The following RAD18 variants were observed in gnomAD, a reference collection of about 807,000 sequenced individuals.
RAD18 encodes RAD18 E3 ubiquitin protein ligase, also known as E3 ubiquitin-protein ligase RAD18.
A neutral mutation model predicts 60.4 loss-of-function variants in RAD18; 47 were observed. The observed-to-expected ratio is 0.78, with a 90% CI of 0.62 to 0.99. The LOEUF (loss-of-function observed/expected upper bound fraction) is 0.99. Ranked by LOEUF, RAD18 falls within the 50% of genes least tolerant of loss-of-function variation. The pLI is 0.00. For missense variants in RAD18, 640 were observed against 593.3 expected (o/e 1.08, Z -0.82); for synonymous variants, 225 against 195.5 (o/e 1.15, Z -1.26).
At chr3:8,902,739 A>C (rs1353209787) in intron 9 of RAD18, among the ~76,000 whole-genome samples, 1 of 152,144 alleles carries the variant, frequency 6.6e-6, no homozygotes, top group Non-Finnish European at 1.5e-5. Flanking sequence ...AAATACAAAA[A>C]AAATTAGCCA....
chr3:8,881,291 C>A lies in RAD18; in HGVS notation c.*66G>T, dbSNP rs1939457440. On this transcript the variant is annotated 3_prime_UTR_variant, in exon 13 of 13. Transcript: ENST00000264926. ...CCTTGGGCATTTATAAATAGAAAAT[C>A]TATCTGTGGCAACCAAAAGTACGGT... 7.9e-7 allele frequency: 1 copy of A among 1,266,216 alleles called. No homozygotes were observed. The allele number at this position is 1,266,216 out of a possible 1,614,324, so 78.4% of individuals were successfully genotyped here. A position where few individuals can be genotyped will look rare whatever the true frequency, so the allele number is the denominator to read the frequency against.
chr3:8,924,660 G>T (rs199969091), intron 7 of RAD18, among the ~76,000 whole-genome samples: 69,339 of 111,030 alleles, frequency 0.62, 22,261 homozygotes, highest in Middle Eastern at 0.74. Flanking sequence ...ATAGTTGGAA[G>T]TAAAGCACTC....
intron 2 of RAD18, among the ~76,000 whole-genome samples, chr3:8,956,546 T>C (rs1466127768): frequency 2.0e-5 from 3 of 152,108 alleles, no homozygotes; most frequent in African/African-American, 7.2e-5. Context: ...TGACCACAGG[T>C]AACTGAAATC....
At chr3:8,939,968 T>C (rs1358691423) in intron 5 of RAD18, among the ~76,000 whole-genome samples, 2 of 152,362 alleles carry the variant, frequency 1.3e-5, no homozygotes, top group South Asian at 2.1e-4. Flanking sequence ...GACCAAACTA[T>C]AGAACTCATC....
At chr3:8,900,798 C>T (rs2125050648) in intron 10 of RAD18, among the ~76,000 whole-genome samples, 1 of 152,308 alleles carries the variant, frequency 6.6e-6, no homozygotes, top group East Asian at 1.9e-4. Context: ...CTCTCACATA[C>T]CTTACCCTCT....
chr3:8,909,518 TA>T (rs35804708), intron 9 of RAD18, among the ~76,000 whole-genome samples: 3,182 of 147,780 alleles, frequency 0.022, 90 homozygotes, highest in African/African-American at 0.071. Flanking sequence ...CATGGGCAGA[TA>T]AAAAAAAAAA....
At chr3:8,954,370 T>C (rs1559801516) in intron 2 of RAD18, among the ~76,000 whole-genome samples, 1 of 152,264 alleles carries the variant, frequency 6.6e-6, no homozygotes, top group Non-Finnish European at 1.5e-5. Context: ...GATGCTAGAC[T>C]CTTTTGATGT....
At chr3:8,882,277 A>G (rs538910395) in intron 12 of RAD18, among the ~76,000 whole-genome samples, 31 of 152,336 alleles carry the variant, frequency 2.0e-4, no homozygotes, top group African/African-American at 6.7e-4. Flanking sequence ...AGGTGAAATC[A>G]GTCTGCCTCA....
chr3:8,948,318 C>A (rs1352802871), intron 3 of RAD18, among the ~76,000 whole-genome samples, 191 bp downstream of exon 3: 3 of 152,130 alleles, frequency 2.0e-5, no homozygotes, highest in Non-Finnish European at 1.5e-5. Flanking sequence ...TTTCAGAAAT[C>A]TTAACAAAAA....
chr3:8,891,066 T>C (rs1939678026), intron 11 of RAD18, among the ~76,000 whole-genome samples: 1 of 38,544 alleles, frequency 2.6e-5, no homozygotes. Flanking sequence ...ATAAAGCATA[T>C]ATATATAAAA....
intron 2 of RAD18, among the ~76,000 whole-genome samples, chr3:8,950,464 C>T (rs1165061635): frequency 6.6e-6 from 1 of 152,192 alleles, no homozygotes; most frequent in African/African-American, 2.4e-5. Context: ...CTCTAGCCAT[C>T]CTGTCCCATC....
chr3:8,918,926 C>T (rs953571791), intron 7 of RAD18, among the ~76,000 whole-genome samples: 9 of 152,104 alleles, frequency 5.9e-5, no homozygotes, highest in African/African-American at 1.9e-4. Flanking sequence ...ACTTCTACAC[C>T]CCATCCAATG....
chr3:8,906,129 G>C (rs1186232788), intron 9 of RAD18, among the ~76,000 whole-genome samples: 1 of 152,092 alleles, frequency 6.6e-6, no homozygotes, highest in Non-Finnish European at 1.5e-5. Context: ...AAATAATAAA[G>C]AGAATAGAAA....
At chr3:8,953,828 C>A (rs1296726380) in intron 2 of RAD18, among the ~76,000 whole-genome samples, 1 of 146,912 alleles carries the variant, frequency 6.8e-6, no homozygotes, top group Non-Finnish European at 1.5e-5. Flanking sequence ...TTTTTTTTTT[C>A]CTTTTGTGGA....
At chr3:8,937,174 T>A (rs1042793212) in intron 6 of RAD18, among the ~76,000 whole-genome samples, 1 of 152,164 alleles carries the variant, frequency 6.6e-6, no homozygotes, top group Non-Finnish European at 1.5e-5. Flanking sequence ...GAAATCTCAG[T>A]AGGTAGCAAC....
chr3:8,959,967 A>C (rs536582243), intron 1 of RAD18, among the ~76,000 whole-genome samples: 2 of 152,234 alleles, frequency 1.3e-5, no homozygotes, highest in East Asian at 1.9e-4. Flanking sequence ...TAAGGTATAG[A>C]CAGTACATAT....
At chr3:8,962,164 T>G (rs1263670936) in intron 1 of RAD18, among the ~76,000 whole-genome samples, 1 of 152,346 alleles carries the variant, frequency 6.6e-6, no homozygotes, top group South Asian at 2.1e-4. Flanking sequence ...TCCTATGAAC[T>G]GTTATTTTTG....
At chr3:8,943,710 GAAA>G (rs1416366903) in intron 4 of RAD18, among the ~76,000 whole-genome samples, 1 of 151,164 alleles carries the variant, frequency 6.6e-6, no homozygotes, top group Non-Finnish European at 1.5e-5. Context: ...CGCAACAACA[GAAA>G]AATAACTAGA....
chr3:8,923,330 T>C (rs1940364963), intron 7 of RAD18, among the ~76,000 whole-genome samples: 1 of 152,176 alleles, frequency 6.6e-6, no homozygotes, highest in African/African-American at 2.4e-5. Flanking sequence ...GAAGATCAAA[T>C]GAATGAAATG....
Sources: allele counts gnomAD v4.1 joint callset (sites outside exome capture counted in the v4.1 genomes callset), GRCh38; gene constraint gnomAD v4.1.1; transcripts MANE v1.5; gene names NCBI Gene and HGNC (gene_info 2026-07-23, HGNC 2026-07-21).